Variants in IL17RC observed in about 807,000 individuals in gnomAD.
IL17RC encodes the protein interleukin-17 receptor C.
A neutral mutation model predicts 86.7 loss-of-function variants in IL17RC; 53 were observed. The observed-to-expected ratio is 0.61, with a 90% CI of 0.49 to 0.77. IL17RC has a LOEUF of 0.77. Ranked by LOEUF, IL17RC falls within the 30% of genes least tolerant of loss-of-function variation. The pLI, the probability that IL17RC is intolerant of heterozygous loss-of-function variation, is 0.00. For synonymous variants in IL17RC, 439 were observed against 413.1 expected (o/e 1.06, Z -0.76); for missense variants, 957 against 940.0 (o/e 1.02, Z -0.24).
Position 9,930,726 on chromosome 3 carries a change from G to A in IL17RC, c.1339-169G>A. ...ATAAGCCAGATTTGGTATGGAAGAA[G>A]TCATACCCTAGTCAGTGGGCACAGC... On this transcript the variant is annotated intron_variant, in intron 15 of 18. Coordinates refer to ENST00000403601, the MANE Select transcript of IL17RC (RefSeq NM_153460.4). The surrounding 1 kb of genome is among the most constrained non-coding windows in gnomAD (Gnocchi z 5.8). 1.4e-6 allele frequency: 1 copy of A among 733,850 alleles called. No homozygotes were observed. The highest frequency in any genetic ancestry group is 2.5e-5 in the East Asian group (1 of 39,624). The allele number at this position is 733,850 out of a possible 1,614,324, so 45.5% of individuals were successfully genotyped here.
intron 7 of IL17RC, among the ~76,000 whole-genome samples, chr3:9,921,481 A>AAAAG (rs1210842102): frequency 1.5e-5 from 2 of 135,052 alleles, no homozygotes; most frequent in African/African-American, 5.7e-5. Flanking sequence ...CAAAACAAAA[A>AAAAG]CAAAAAACTT....
In IL17RC at chr3:9,933,037, C is replaced by T; in HGVS notation, c.1607C>T (p.Ala536Val). Residue 536 changes from alanine (A) to valine (V), a missense_variant, in exon 19 of 19, where the codon GCC (alanine) becomes GTC (valine). By Grantham distance (64) the Ala-to-Val change is moderately conservative. Transcript: ENST00000403601. ...FERLVGALAS[A>V]LCQLPLRVAV... Reference sequence around the variant, plus strand: ...CGCCTGGTGGGCGCCCTGGCGTCGGCCCTGTGCCAGCTGCCGCTGCGCGTG... The same window carrying T: ...CGCCTGGTGGGCGCCCTGGCGTCGGTCCTGTGCCAGCTGCCGCTGCGCGTG... 2 of 1,553,940 alleles carry T rather than the reference C, an allele frequency of 1.3e-6. No homozygotes were observed. Among genetic ancestry groups the T allele is most frequent in the East Asian group, 2.3e-5 (1 of 44,318 alleles).
chr3:9,917,869 A>G, intron 2 of IL17RC, 54 bp from the exon 3 acceptor site: 1 of 1,612,068 alleles, frequency 6.2e-7, no homozygotes, highest in Non-Finnish European at 8.5e-7. Context: ...GTCAGGTGCC[A>G]CCAAATTCTG....
intron 5 of IL17RC, among the ~76,000 whole-genome samples, chr3:9,920,032 T>C (rs2083414941): frequency 1.3e-5 from 2 of 152,120 alleles, no homozygotes; most frequent in African/African-American, 2.4e-5. Context: ...ACCCTTTGAC[T>C]TTCCCTCCAA....
intron 13 of IL17RC, 46 bp from the exon 14 acceptor site, chr3:9,929,982 C>T (rs1284860868): frequency 6.2e-7 from 1 of 1,613,578 alleles, no homozygotes; most frequent in Admixed American, 1.7e-5. Flanking sequence ...GTGGCCAATC[C>T]CAGCAAGGAT....
At position 9,917,260 on chromosome 3, in the gene IL17RC, C is replaced by A; in HGVS notation, c.-56C>A. On this transcript the variant is annotated 5_prime_UTR_variant, in exon 1 of 19. Transcript: ENST00000403601. ...ACGGGCTGACTGGGGTGTCTGCCCC[C>A]CTTGGGGGGGGGCAGCACAGGGCCT... 3.6e-6 allele frequency: 5 copies of A among 1,405,302 alleles called. No individual in the cohort carries two copies. Among genetic ancestry groups the A allele is most frequent in the Non-Finnish European group, 4.8e-6 (5 of 1,046,406 alleles). The allele number at this position is 1,405,302 out of a possible 1,614,324, so 87.1% of individuals were successfully genotyped here.
chr3:9,917,907 G>C lies in IL17RC; in HGVS notation c.128-16G>C. On this transcript the variant is annotated splice_polypyrimidine_tract_variant and intron_variant, in intron 2 of 18. Transcript: ENST00000403601. ...CTTGGAACAGCTTCAGCTCCCACCC[G>C]CTCCTCCACACACAGACAGTGACAT... The C allele has an allele frequency of 6.2e-7, 1 of 1,612,768 alleles. No individual in the cohort carries two copies. Among genetic ancestry groups the C allele is most frequent in the African/African-American group, 1.3e-5 (1 of 75,016 alleles).
intron 12 of IL17RC, 52 bp downstream of exon 12, chr3:9,928,682 C>T (rs1559313928): frequency 1.3e-5 from 21 of 1,585,514 alleles, no homozygotes; most frequent in Non-Finnish European, 1.6e-5. Flanking sequence ...GGGCAGACCC[C>T]CCAGCCAAGG....
At position 9,917,367 on chromosome 3, in the gene IL17RC, G is replaced by T. The variant is rs2083164011; in HGVS notation, c.52G>T (p.Val18Phe). 6.2e-7 allele frequency: 1 copy of T among 1,614,170 alleles called. No homozygotes were observed. Among genetic ancestry groups the T allele is most frequent in the South Asian group, 1.1e-5 (1 of 91,088 alleles). ...CTTGGCACTGGGCCGAAGCCCAGTG[G>T]TCCTTTCTCTGGAGAGGCTTGTGGG... is the stretch of plus-strand genomic sequence containing the variant. Reference protein sequence around the residue: ...LSLALGRSPVVLSLERLVGPQ... With the variant: ...LSLALGRSPVFLSLERLVGPQ... The change falls in exon 1 of 19, where the codon GTC becomes TTC. Residue 18 changes from valine (V) to phenylalanine (F), a missense_variant. Coordinates refer to ENST00000403601, the MANE Select transcript of IL17RC (RefSeq NM_153460.4).
intron 7 of IL17RC, among the ~76,000 whole-genome samples, chr3:9,922,214 G>A (rs966092788): frequency 3.3e-5 from 5 of 152,130 alleles, no homozygotes; most frequent in Non-Finnish European, 7.3e-5. Context: ...GCCTCCCAAA[G>A]TGCTGGGATT....
Position 9,928,168 on chromosome 3 carries a change from G to A in IL17RC, c.825G>A (p.Val275=), listed in dbSNP as rs761135552. The A allele has an allele frequency of 3.1e-6, 5 of 1,614,120 alleles. No individual in the cohort carries two copies. In the South Asian group the frequency reaches 5.5e-5, roughly 18 times the overall value. ...TDLVPCLCIQ[V]WPLEPDSVRT... is the part of the protein sequence containing the mutation. ...GCAGACCCCCATTTCCTTTCCAGGTGTGGCCTCTGGAACCTGACTCCGTTA... is the reference window on the plus strand; with the variant it reads ...GCAGACCCCCATTTCCTTTCCAGGTATGGCCTCTGGAACCTGACTCCGTTA... Residue 275 remains valine (V), a splice_region_variant and synonymous_variant, in exon 10 of 19, where the codon GTG becomes GTA. Coordinates refer to ENST00000403601, the MANE Select transcript of IL17RC (RefSeq NM_153460.4).
rs756868871 is a variant in IL17RC, at chr3:9,917,403, G to A, written c.88G>A (p.Ala30Thr). Residue 30 changes from alanine to threonine, a missense_variant, in exon 1 of 19, where the codon GCT (alanine) becomes ACT (threonine). Coordinates refer to ENST00000403601, the MANE Select transcript of IL17RC (RefSeq NM_153460.4). ...GGAGAGGCTTGTGGGGCCTCAGGACGCTACCCACTGCTCTCCGGTGAGTCT... is the reference window on the plus strand; with the variant it reads ...GGAGAGGCTTGTGGGGCCTCAGGACACTACCCACTGCTCTCCGGTGAGTCT... ...SLERLVGPQD[A>T]THCSPGLSCR... is the part of the protein sequence containing the mutation. The A allele has an allele frequency of 3.7e-6, 6 of 1,614,044 alleles. No individual in the cohort carries two copies. The highest frequency in any genetic ancestry group is 2.2e-5 in the East Asian group (1 of 44,886).
intron 7 of IL17RC, among the ~76,000 whole-genome samples, chr3:9,921,781 C>T (rs1248349655): frequency 2.7e-5 from 4 of 150,568 alleles, no homozygotes; most frequent in Admixed American, 6.6e-5. Context: ...CCCGCCACCA[C>T]GCCTGGCTAA....
Position 9,918,308 on chromosome 3 carries a change from C to G in IL17RC, c.281-27C>G, listed in dbSNP as rs370118671. 262 of 1,554,890 alleles carry G rather than the reference C, an allele frequency of 1.7e-4. 2 individuals carry two copies. In the African/African-American group the frequency reaches 3.1e-3, roughly 18 times the overall value. On this transcript the variant is annotated intron_variant, in intron 3 of 18. Coordinates refer to ENST00000403601, the MANE Select transcript of IL17RC (RefSeq NM_153460.4). ...CCAGCCCAGAGCAGGGGGCCTCACCCAGGGCCTTGCTCTTGGGTCCTTCTA... is the reference window on the plus strand; with the variant it reads ...CCAGCCCAGAGCAGGGGGCCTCACCGAGGGCCTTGCTCTTGGGTCCTTCTA...
At position 9,917,233 on chromosome 3, in the gene IL17RC, A is replaced by T. The variant is rs1322842168; in HGVS notation, c.-83A>T. 1.8e-6 allele frequency: 2 copies of T among 1,110,974 alleles called. No individual in the cohort carries two copies. The highest frequency in any genetic ancestry group is 2.7e-5 in the Admixed American group (1 of 37,470). The allele number at this position is 1,110,974 out of a possible 1,614,324, so 68.8% of individuals were successfully genotyped here. A position where few individuals can be genotyped will look rare whatever the true frequency, so the allele number is the denominator to read the frequency against. ...GGATTCCAGCCCCTGCCACCCACAG[A>T]CACGGGCTGACTGGGGTGTCTGCCC... On this transcript the variant is annotated 5_prime_UTR_variant, in exon 1 of 19. Coordinates refer to ENST00000403601, the MANE Select transcript of IL17RC (RefSeq NM_153460.4).
chr3:9,930,077 C>T lies in IL17RC; in HGVS notation c.1206C>T (p.Gly402=). 2.5e-6 allele frequency: 4 copies of T among 1,613,988 alleles called. No individual in the cohort carries two copies. Among genetic ancestry groups the T allele is most frequent in the East Asian group, 4.5e-5 (2 of 44,886 alleles). ...KDDVLLLETR[G]PQDNRSLCAL... ...ATGTGCTACTGTTGGAGACACGAGG[C>T]CCCCAGGACAACAGATCCCTCTGTG... Residue 402 remains glycine (G), a synonymous_variant, in exon 14 of 19, where the codon GGC becomes GGT. Transcript: ENST00000403601. The surrounding 1 kb of genome is among the most constrained non-coding windows in gnomAD (Gnocchi z 5.8).
Position 9,917,265 on chromosome 3 carries a change from G to GA in IL17RC, c.-51_-50insA, listed in dbSNP as rs750249210. ...CTGACTGGGGTGTCTGCCCCCCTTGGGGGGGGGCAGCACAGGGCCTCAGGC... is the reference window on the plus strand; with the variant it reads ...CTGACTGGGGTGTCTGCCCCCCTTGGAGGGGGGGCAGCACAGGGCCTCAGGC... On this transcript the variant is annotated 5_prime_UTR_variant, in exon 1 of 19. Coordinates refer to ENST00000403601, the MANE Select transcript of IL17RC (RefSeq NM_153460.4). The GA allele has an allele frequency of 5.5e-6, 8 of 1,457,636 alleles. No homozygotes were observed. The highest frequency in any genetic ancestry group is 7.5e-6 in the Non-Finnish European group (8 of 1,071,146). The allele number at this position is 1,457,636 out of a possible 1,614,324, so 90.3% of individuals were successfully genotyped here. A position where few individuals can be genotyped will look rare whatever the true frequency, so the allele number is the denominator to read the frequency against.
In IL17RC at chr3:9,931,051, A is replaced by C. The variant is rs2084606170; in HGVS notation, c.1387+108A>C. ...AATGGCCTTGTCCTTCCCTGAGATC[A>C]GATAAACAGAGGGTCATTCCTTCAT... is the stretch of plus-strand genomic sequence containing the variant. On this transcript the variant is annotated intron_variant, in intron 16 of 18. Transcript: ENST00000403601. 3.4e-6 allele frequency: 3 copies of C among 871,344 alleles called. No individual in the cohort carries two copies. The South Asian group carries it at 4.0e-5, about 12-fold the overall frequency. The allele number at this position is 871,344 out of a possible 1,614,324, so 54.0% of individuals were successfully genotyped here.
At chr3:9,927,242 AC>A (rs35823465) in intron 9 of IL17RC, among the ~76,000 whole-genome samples, 152,380 of 152,380 alleles carry the variant, frequency 1, 76,190 homozygotes, top group Non-Finnish European at 1. Context: ...AGGTGCTTAC[AC>A]AAGTGATTGT....
Sources: allele counts gnomAD v4.1 joint callset (sites outside exome capture counted in the v4.1 genomes callset), GRCh38; gene constraint gnomAD v4.1.1; non-coding constraint Gnocchi (gnomAD v3.1); transcripts MANE v1.5; gene names NCBI Gene and HGNC (gene_info 2026-07-23, HGNC 2026-07-21).